The following KIF3C variants were observed in gnomAD, a reference collection of about 807,000 sequenced individuals.
KIF3C encodes the protein kinesin-like protein KIF3C.
A neutral mutation model predicts 67.7 loss-of-function variants in KIF3C; 12 were observed. That is an observed-to-expected ratio of 0.18 (90% CI 0.11 to 0.29). KIF3C has a LOEUF of 0.29. Among genes scored for constraint, KIF3C ranks in the 10% least tolerant of loss-of-function variants. The pLI is 1.00. For missense variants in KIF3C, 789 were observed against 1,059.6 expected, an observed-to-expected ratio of 0.74 and a Z score of 3.55; for synonymous variants, 393 against 426.2, an observed-to-expected ratio of 0.92 and a Z score of 0.96.
rs933042852 is a variant in KIF3C, at chr2:25,936,356, C to G, written c.2007-6293G>C. On this transcript the variant is annotated intron_variant, in intron 5 of 7. Coordinates refer to ENST00000264712, the MANE Select transcript of KIF3C (RefSeq NM_002254.8). The stretch of plus-strand genomic sequence containing the variant: ...ATACCTGGCCAGTTTTAAGGAAATG[C>G]GTGTGTGTGTGTCTGCTTAGGAAAA... 2.0e-5 allele frequency among the ~76,000 whole-genome samples: 3 copies of G among 151,868 alleles called. No homozygotes were observed. The East Asian group carries it at 5.8e-4, about 29-fold the overall frequency.
chr2:25,964,356 G>A (rs1294107170), intron 1 of KIF3C, among the ~76,000 whole-genome samples: 1 of 151,746 alleles, frequency 6.6e-6, no homozygotes, highest in African/African-American at 2.4e-5. Flanking sequence ...ATATAAAATC[G>A]AGCCTCTGCA....
chr2:25,947,441 T>C (rs1054718334), intron 5 of KIF3C, among the ~76,000 whole-genome samples: 22 of 151,454 alleles, frequency 1.5e-4, no homozygotes, highest in Non-Finnish European at 2.4e-4. Context: ...ATTAGCCGGG[T>C]GTGGTGGCAG....
At chr2:25,939,460 C>G (rs1235021293) in intron 5 of KIF3C, among the ~76,000 whole-genome samples, 1 of 152,212 alleles carries the variant, frequency 6.6e-6, no homozygotes, top group Non-Finnish European at 1.5e-5. Context: ...CCCCTCCATG[C>G]TGTCCCCGAC....
intron 5 of KIF3C, among the ~76,000 whole-genome samples, chr2:25,944,630 C>A (rs1406474197): frequency 6.6e-6 from 1 of 151,832 alleles, no homozygotes; most frequent in East Asian, 1.9e-4. Flanking sequence ...GGATTACAGG[C>A]ATGAGCCACT....
chr2:25,930,098 G>A (rs2090446652), intron 5 of KIF3C, 35 bp from the exon 6 acceptor site: 1 of 1,541,086 alleles, frequency 6.5e-7, no homozygotes, highest in South Asian at 1.1e-5. Context: ...AAGGATTTCT[G>A]TGGAACACAA....
At chr2:25,977,445 A>G (rs532204872) in intron 1 of KIF3C, among the ~76,000 whole-genome samples, 2 of 152,288 alleles carry the variant, frequency 1.3e-5, no homozygotes, top group South Asian at 4.1e-4. Context: ...AGTGAGCTGC[A>G]GATGGGGAGC....
rs1664562697 is a variant in KIF3C, at chr2:25,981,064, TCTCCACCAGCACCACCACCACTGC to T, written c.830_853del (p.Gly277_Gly284del). 1.2e-6 allele frequency: 2 copies of T among 1,614,090 alleles called. No homozygotes were observed. The highest frequency in any genetic ancestry group is 1.7e-6 in the Non-Finnish European group (2 of 1,179,986). ...GATTTTGGAGGCTTCCTTAGGCCTC[TCTCCACCAGCACCACCACCACTGC>T]CTCCACCGCCACCACCGCCACCCGA... On this transcript the variant is annotated inframe_deletion, in exon 1 of 8. Transcript: ENST00000264712. This position sits in a 1 kb window ranked among gnomAD's most constrained non-coding sequence, Gnocchi z 8.2.
chr2:25,981,321 G>A lies in KIF3C; in HGVS notation c.597C>T (p.Asn199=). 6.2e-7 allele frequency: 1 copy of A among 1,614,204 alleles called. No homozygotes were observed. Among genetic ancestry groups the A allele is most frequent in the Non-Finnish European group, 8.5e-7 (1 of 1,180,040 alleles). ...GGGTGCTGCCCACAGCCCGGGTCTGGTTCCCCAGGTTCATCACATGCTCAA... is the reference window on the plus strand; with the variant it reads ...GGGTGCTGCCCACAGCCCGGGTCTGATTCCCCAGGTTCATCACATGCTCAA... ...KEIEHVMNLG[N]QTRAVGSTHM... The change falls in exon 1 of 8, where the codon AAC becomes AAT. Residue 199 remains asparagine (N), a synonymous_variant. Transcript: ENST00000264712. The surrounding 1 kb of genome is among the most constrained non-coding windows in gnomAD (Gnocchi z 8.2).
At chr2:25,938,580 C>T (rs1158930684) in intron 5 of KIF3C, among the ~76,000 whole-genome samples, 2 of 152,002 alleles carry the variant, frequency 1.3e-5, no homozygotes, top group Non-Finnish European at 2.9e-5. Flanking sequence ...GCAGCCTGAC[C>T]CAATAAAGAT....
In KIF3C at chr2:25,928,881, A is replaced by G. The variant is rs2090433316; in HGVS notation, c.*97T>C. On this transcript the variant is annotated 3_prime_UTR_variant, in exon 8 of 8. Transcript: ENST00000264712. ...CCTGCACACACGCACACGCACATGC[A>G]CGCACACGCACACGCACCAAGCGGC... The G allele has an allele frequency of 2.3e-5, 22 of 945,186 alleles. No individual in the cohort carries two copies. The South Asian group carries it at 3.0e-4, about 13-fold the overall frequency. The allele number at this position is 945,186 out of a possible 1,614,324, so 58.5% of individuals were successfully genotyped here. A position where few individuals can be genotyped will look rare whatever the true frequency, so the allele number is the denominator to read the frequency against.
intron 5 of KIF3C, among the ~76,000 whole-genome samples, chr2:25,937,072 G>A (rs183585519): frequency 1.4e-4 from 21 of 152,282 alleles, no homozygotes; most frequent in African/African-American, 3.8e-4. Context: ...CAGTACACCT[G>A]CCACAGGGCT....
At position 25,927,073 on chromosome 2, in the gene KIF3C, C is replaced by T. The variant is rs1157218034; in HGVS notation, c.*1905G>A. On this transcript the variant is annotated 3_prime_UTR_variant, in exon 8 of 8. Coordinates refer to ENST00000264712, the MANE Select transcript of KIF3C (RefSeq NM_002254.8). ...ATACACACATACACAAAACCGCAGG[C>T]AGGAGCTCCTCCTCCGACCATACCT... 1 of 152,820 alleles carries T rather than the reference C, an allele frequency of 6.5e-6. No homozygotes were observed. Among genetic ancestry groups the T allele is most frequent in the East Asian group, 1.9e-4 (1 of 5,192 alleles). 9.5% of individuals were successfully genotyped at this position (152,820 alleles called of 1,614,324 possible).
intron 1 of KIF3C, among the ~76,000 whole-genome samples, chr2:25,972,549 G>A (rs984525951): frequency 2.6e-5 from 4 of 152,102 alleles, no homozygotes; most frequent in African/African-American, 9.7e-5. Flanking sequence ...GTTATCTCAA[G>A]GCTTCTTTCA....
Position 25,963,197 on chromosome 2 carries a change from T to TATATATATA in KIF3C, c.1546-6754_1546-6753insTATATATAT, listed in dbSNP as rs55857611. Among the ~76,000 whole-genome samples the TATATATATA allele has an allele frequency of 3.1e-4, 9 of 28,838 alleles. No homozygotes were observed. In the East Asian group the frequency reaches 0.014, roughly 44 times the overall value. The allele number at this position is 28,838 out of a possible 152,430, so 18.9% of individuals were successfully genotyped here. A position where few individuals can be genotyped will look rare whatever the true frequency, so the allele number is the denominator to read the frequency against. On this transcript the variant is annotated intron_variant, in intron 1 of 7. Coordinates refer to ENST00000264712, the MANE Select transcript of KIF3C (RefSeq NM_002254.8). Reference sequence around the variant, plus strand: ...GTGTATATATATATATATATATATATTTTTTTTTTTTTTTTTTTTTTTTTT... The same window carrying TATATATATA: ...GTGTATATATATATATATATATATATATATATATATTTTTTTTTTTTTTTTTTTTTTTTT...
chr2:25,944,672 C>T (rs1422268478), intron 5 of KIF3C, among the ~76,000 whole-genome samples: 1 of 152,050 alleles, frequency 6.6e-6, no homozygotes, highest in Non-Finnish European at 1.5e-5. Context: ...TTTACCCTAC[C>T]CAGATGTATT....
chr2:25,968,439 G>A (rs1400530977), intron 1 of KIF3C, among the ~76,000 whole-genome samples: 1 of 152,110 alleles, frequency 6.6e-6, no homozygotes, highest in Non-Finnish European at 1.5e-5. Context: ...AAAGCAGGAA[G>A]GAAACTAATC....
intron 5 of KIF3C, among the ~76,000 whole-genome samples, chr2:25,950,663 A>G (rs1387349912): frequency 1.3e-5 from 2 of 152,238 alleles, no homozygotes; most frequent in Non-Finnish European, 2.9e-5. Flanking sequence ...GGGACCCTTT[A>G]AATCAGACTC....
At chr2:25,929,283 C>G (rs2090437757) in intron 7 of KIF3C, 22 bp downstream of exon 7, 1 of 1,609,676 alleles carries the variant, frequency 6.2e-7, no homozygotes, top group African/African-American at 1.3e-5. Flanking sequence ...CCAGTGCTGC[C>G]TGGGACCATG....
At chr2:25,971,871 C>CTT (rs70950146) in intron 1 of KIF3C, among the ~76,000 whole-genome samples, 1,824 of 53,420 alleles carry the variant, frequency 0.034, 76 homozygotes, top group Middle Eastern at 0.062. Context: ...CCATGCCTAG[C>CTT]TTTTTTTTTT....
Sources: allele counts gnomAD v4.1 joint callset (sites outside exome capture counted in the v4.1 genomes callset), GRCh38; gene constraint gnomAD v4.1.1; non-coding constraint Gnocchi (gnomAD v3.1); transcripts MANE v1.5; gene names NCBI Gene and HGNC (gene_info 2026-07-23, HGNC 2026-07-21).